The following TLN2 variants were observed in gnomAD, a reference collection of about 807,000 sequenced individuals.
TLN2 encodes talin-2.
In TLN2, 118 loss-of-function variants were observed where a neutral mutation model predicts 294.7. The observed-to-expected ratio is 0.40, with a 90% CI of 0.34 to 0.47. The LOEUF is 0.47. Ranked by LOEUF, TLN2 falls within the 20% of genes least tolerant of loss-of-function variation. TLN2 has a pLI of 0.84. For synonymous variants in TLN2, 1,431 were observed against 1,304.5 expected, an observed-to-expected ratio of 1.10 and a Z score of -2.09; for missense variants, 3,083 against 3,282.2, an observed-to-expected ratio of 0.94 and a Z score of 1.48.
At chr15:62,813,702 A>T (rs1467734626) in intron 52 of TLN2, among the ~76,000 whole-genome samples, 3 of 152,182 alleles carry the variant, frequency 2.0e-5, no homozygotes, top group Non-Finnish European at 4.4e-5. Flanking sequence ...TAAAATTTAC[A>T]ATGTGCCTAA....
intron 1 of TLN2, among the ~76,000 whole-genome samples, chr15:62,540,420 G>T (rs943866699): frequency 2.0e-5 from 3 of 151,320 alleles, no homozygotes; most frequent in African/African-American, 7.3e-5. Context: ...TGTAAAACTG[G>T]GAGTGACCTA....
At chr15:62,593,703 A>G (rs979964981) in intron 2 of TLN2, among the ~76,000 whole-genome samples, 1 of 152,242 alleles carries the variant, frequency 6.6e-6, no homozygotes, top group African/African-American at 2.4e-5. Context: ...AAGATCTAAA[A>G]TGGCCATTAA....
chr15:62,431,428 G>A (rs1458722501), intron 1 of TLN2, among the ~76,000 whole-genome samples: 1 of 152,196 alleles, frequency 6.6e-6, no homozygotes, highest in African/African-American at 2.4e-5. Flanking sequence ...CTGATGACAT[G>A]TTAAACACAA....
intron 1 of TLN2, among the ~76,000 whole-genome samples, chr15:62,450,976 C>CAT (rs976893365): frequency 4.3e-5 from 6 of 139,012 alleles, no homozygotes; most frequent in Non-Finnish European, 9.4e-5. Context: ...AGTTCTCTCT[C>CAT]TTTTTTTTTT....
intron 1 of TLN2, among the ~76,000 whole-genome samples, chr15:62,396,956 C>G (rs535811685): frequency 7.2e-5 from 11 of 152,256 alleles, no homozygotes; most frequent in African/African-American, 2.4e-4. Context: ...CCACCTTCCT[C>G]GGCCTCTCAA....
At chr15:62,572,027 G>A (rs556440966) in intron 1 of TLN2, among the ~76,000 whole-genome samples, 80 of 152,304 alleles carry the variant, frequency 5.3e-4, no homozygotes, top group African/African-American at 1.6e-3. Flanking sequence ...ATGGGAGGGT[G>A]CGGAGCCTTG....
chr15:62,503,979 C>A (rs747556728), intron 1 of TLN2, among the ~76,000 whole-genome samples: 11 of 149,262 alleles, frequency 7.4e-5, no homozygotes, highest in Non-Finnish European at 1.5e-4. Flanking sequence ...CCACATCTGC[C>A]TGTTTTTTCA....
chr15:62,551,910 G>C (rs561407679), intron 1 of TLN2, among the ~76,000 whole-genome samples: 2 of 152,188 alleles, frequency 1.3e-5, no homozygotes, highest in Non-Finnish European at 2.9e-5. Flanking sequence ...CTTCATCCTT[G>C]ACATTAAAAT....
chr15:62,454,470 G>T (rs28713500), intron 1 of TLN2, among the ~76,000 whole-genome samples: 18,523 of 152,170 alleles, frequency 0.12, 1,166 homozygotes, highest in African/African-American at 0.16. Flanking sequence ...AGGGCTGCTG[G>T]TTCTCTGTGA....
intron 24 of TLN2, among the ~76,000 whole-genome samples, chr15:62,718,895 G>C (rs955721849): frequency 2.6e-5 from 4 of 152,210 alleles, no homozygotes; most frequent in Non-Finnish European, 4.4e-5. Flanking sequence ...GAGATGGAGA[G>C]GGGAGAGTGG....
intron 22 of TLN2, among the ~76,000 whole-genome samples, chr15:62,712,317 C>G (rs976715189): frequency 2.0e-5 from 3 of 152,140 alleles, no homozygotes; most frequent in Admixed American, 1.3e-4. Context: ...TTTAGGGAGG[C>G]CTCTTTTTCC....
chr15:62,481,481 G>T (rs2038086725), intron 1 of TLN2, among the ~76,000 whole-genome samples: 1 of 152,150 alleles, frequency 6.6e-6, no homozygotes, highest in Non-Finnish European at 1.5e-5. Context: ...TCCTGCCTCA[G>T]CTTCTTGAGT....
intron 1 of TLN2, among the ~76,000 whole-genome samples, chr15:62,463,566 C>G (rs552853350): frequency 7.9e-5 from 12 of 152,118 alleles, no homozygotes; most frequent in African/African-American, 2.9e-4. Flanking sequence ...TACCATCTCA[C>G]GCCAGTTAGA....
chr15:62,687,759 C>G (rs959201513), intron 12 of TLN2: 3 of 152,092 alleles, frequency 2.0e-5, no homozygotes, highest in African/African-American at 7.2e-5. Context: ...CATTAGTTAT[C>G]TAATTTGACT....
intron 2 of TLN2, among the ~76,000 whole-genome samples, chr15:62,610,821 CT>C (rs2140821208): frequency 6.6e-6 from 1 of 152,254 alleles, no homozygotes; most frequent in South Asian, 2.1e-4. Flanking sequence ...AATACAGGCT[CT>C]ACAAATAATG....
intron 46 of TLN2, among the ~76,000 whole-genome samples, chr15:62,794,576 AG>A (rs1261944049): frequency 1.3e-5 from 2 of 152,132 alleles, no homozygotes; most frequent in African/African-American, 4.8e-5. Flanking sequence ...CCATCCTCTG[AG>A]GGGCTTTCCA....
intron 22 of TLN2, among the ~76,000 whole-genome samples, chr15:62,713,296 A>G (rs2059547331): frequency 6.6e-6 from 1 of 151,784 alleles, no homozygotes; most frequent in Non-Finnish European, 1.5e-5. Flanking sequence ...AAAACAAAAA[A>G]TAGATTCATT....
chr15:62,555,318 T>C (rs904916835), intron 1 of TLN2, among the ~76,000 whole-genome samples: 7 of 152,252 alleles, frequency 4.6e-5, no homozygotes, highest in African/African-American at 1.7e-4. Context: ...AAAGACTCAG[T>C]TGAAGTGTTC....
In TLN2 at chr15:62,432,493, C is replaced by T. The variant is rs140993380; in HGVS notation, c.-238+41808C>T. ...TGGAGCTCTCTTGACCTAAACACCT[C>T]TCAACACTGTTGCATTGGGGATTGT... On this transcript the variant is annotated intron_variant, in intron 1 of 58. Transcript: ENST00000636159. Among the ~76,000 whole-genome samples, 52 of 152,276 alleles carry T rather than the reference C, an allele frequency of 3.4e-4. No homozygotes were observed. In the East Asian group the frequency reaches 9.3e-3, roughly 27 times the overall value.
Sources: allele counts gnomAD v4.1 joint callset (sites outside exome capture counted in the v4.1 genomes callset), GRCh38; gene constraint gnomAD v4.1.1; transcripts MANE v1.5; gene names NCBI Gene and HGNC (gene_info 2026-07-23, HGNC 2026-07-21).